RRAGC: variants seen among roughly 807,000 people sequenced by gnomAD.
The protein encoded by RRAGC is ras-related GTP-binding protein C.
In RRAGC, 8 loss-of-function variants were observed where a neutral mutation model predicts 37.1. That is an observed-to-expected ratio of 0.22 (90% confidence interval 0.13 to 0.39). The LOEUF is 0.39. RRAGC is among the 10% of genes least tolerant of loss of function. The pLI is 1.00. For synonymous variants in RRAGC, 190 were observed against 181.1 expected, an observed-to-expected ratio of 1.05 and a Z score of -0.39; for missense variants, 342 against 497.6, an observed-to-expected ratio of 0.69 and a Z score of 2.98.
chr1:38,855,299 T>A (rs1642155267), intron 3 of RRAGC, among the ~76,000 whole-genome samples: 1 of 152,234 alleles, frequency 6.6e-6, no homozygotes, highest in Non-Finnish European at 1.5e-5. Flanking sequence ...AGGCTGTTCC[T>A]ACTGAGAAAG....
At chr1:38,856,552 T>C (rs1353993799) in intron 2 of RRAGC, among the ~76,000 whole-genome samples, 1 of 152,220 alleles carries the variant, frequency 6.6e-6, no homozygotes, top group African/African-American at 2.4e-5. Context: ...CTTTATGTTA[T>C]GGGATGGGAT....
At chr1:38,841,370 T>A (rs982215021) in intron 6 of RRAGC, among the ~76,000 whole-genome samples, 4 of 146,098 alleles carry the variant, frequency 2.7e-5, no homozygotes, top group African/African-American at 7.9e-5. Flanking sequence ...AAACAAAAAT[T>A]TTTTTTTTTT....
chr1:38,848,013 G>A (rs970502863), intron 5 of RRAGC: 1 of 145,900 alleles, frequency 6.9e-6, no homozygotes, highest in African/African-American at 2.6e-5. Context: ...ACTCCAGCTT[G>A]GGCAACAGAG....
intron 6 of RRAGC, among the ~76,000 whole-genome samples, chr1:38,841,113 G>T (rs1218699942): frequency 1.3e-5 from 2 of 152,102 alleles, no homozygotes; most frequent in South Asian, 4.1e-4. Context: ...AACATAATTG[G>T]CTATAATTTT....
intron 5 of RRAGC, among the ~76,000 whole-genome samples, chr1:38,848,638 T>G (rs1480501762): frequency 6.6e-6 from 1 of 152,230 alleles, no homozygotes; most frequent in East Asian, 1.9e-4. Flanking sequence ...TACATTTATC[T>G]GTTTTAACAG....
intron 6 of RRAGC, among the ~76,000 whole-genome samples, chr1:38,844,069 G>A (rs1245368412): frequency 1.3e-5 from 2 of 152,012 alleles, no homozygotes; most frequent in East Asian, 1.9e-4. Context: ...AGGAGATCAC[G>A]AAATCTCCTC....
chr1:38,841,753 G>T (rs796391775), intron 6 of RRAGC, among the ~76,000 whole-genome samples: 19 of 151,488 alleles, frequency 1.3e-4, no homozygotes, highest in African/African-American at 4.6e-4. Context: ...AGAGGCTGAG[G>T]TGTGAAGACT....
rs926283242 is a variant in RRAGC, at chr1:38,859,697, C to T, written c.-51G>A. The T allele has an allele frequency of 1.5e-5, 20 of 1,370,842 alleles. No individual in the cohort carries two copies. The highest frequency in any genetic ancestry group is 1.7e-5 in the Non-Finnish European group (18 of 1,059,492). 84.9% of individuals were successfully genotyped at this position (1,370,842 alleles called of 1,614,324 possible). A position where few individuals can be genotyped will look rare whatever the true frequency, so the allele number is the denominator to read the frequency against. ...CCCTGACAGGCCAGGCCAGGCCGAG[C>T]CAGGCCGCCGCCTCCCCAGTCCGCC... On this transcript the variant is annotated 5_prime_UTR_variant, in exon 1 of 7. Transcript: ENST00000373001.
intron 6 of RRAGC, among the ~76,000 whole-genome samples, chr1:38,844,993 G>A (rs1642010781): frequency 1.3e-5 from 2 of 152,230 alleles, no homozygotes; most frequent in Admixed American, 1.3e-4. Context: ...TGGAGAGGAT[G>A]TGGAGAAATA....
Position 38,839,435 on chromosome 1 carries a change from C to T in RRAGC, c.*118G>A. 1 of 1,066,018 alleles carries T rather than the reference C, an allele frequency of 9.4e-7. No individual in the cohort carries two copies. The highest frequency in any genetic ancestry group is 3.2e-4 in the Middle Eastern group (1 of 3,140). The allele number at this position is 1,066,018 out of a possible 1,614,324, so 66.0% of individuals were successfully genotyped here. A position where few individuals can be genotyped will look rare whatever the true frequency, so the allele number is the denominator to read the frequency against. ...CCAAATGAGAAACTCTACCCCTTGT[C>T]TCTAGTGGAACAGGCACCAGATTCC... is the stretch of plus-strand genomic sequence containing the variant. On this transcript the variant is annotated 3_prime_UTR_variant, in exon 7 of 7. Coordinates refer to ENST00000373001, the MANE Select transcript of RRAGC (RefSeq NM_022157.4).
chr1:38,843,705 G>A (rs954391414), intron 6 of RRAGC, among the ~76,000 whole-genome samples: 1 of 149,500 alleles, frequency 6.7e-6, no homozygotes, highest in African/African-American at 2.5e-5. Context: ...AGGCAACAGA[G>A]CGAGACTGTC....
chr1:38,839,791 T>TC lies in RRAGC; in HGVS notation c.1049-88_1049-87insG, dbSNP rs1238939765. ...GGTTTGCAGCCAAAAATAACTCGGATAAACACTGGTTGGAAATTCTTAAGC... is the reference window on the plus strand; with the variant it reads ...GGTTTGCAGCCAAAAATAACTCGGATCAAACACTGGTTGGAAATTCTTAAGC... On this transcript the variant is annotated intron_variant, in intron 6 of 6. Coordinates refer to ENST00000373001, the MANE Select transcript of RRAGC (RefSeq NM_022157.4). The TC allele has an allele frequency of 3.6e-5, 48 of 1,322,042 alleles. 1 individual carries two copies. In the Middle Eastern group the frequency reaches 5.5e-4, roughly 15 times the overall value. The allele number at this position is 1,322,042 out of a possible 1,614,324, so 81.9% of individuals were successfully genotyped here. A position where few individuals can be genotyped will look rare whatever the true frequency, so the allele number is the denominator to read the frequency against.
chr1:38,855,320 A>T, intron 3 of RRAGC, among the ~76,000 whole-genome samples: 1 of 149,150 alleles, frequency 6.7e-6, no homozygotes, highest in Admixed American at 6.6e-5. Flanking sequence ...ATACTGTCTA[A>T]GACTCAAGCT....
intron 5 of RRAGC, chr1:38,847,158 A>T (rs1056346876): frequency 6.6e-6 from 1 of 152,148 alleles, no homozygotes; most frequent in Non-Finnish European, 1.5e-5. Context: ...AGTAACTGGT[A>T]ATTTTCTTTG....
intron 5 of RRAGC, among the ~76,000 whole-genome samples, chr1:38,851,272 G>A (rs564862541): frequency 1.8e-5 from 1 of 54,362 alleles, no homozygotes; most frequent in African/African-American, 9.1e-5. Flanking sequence ...TTGTTATTCA[G>A]ACCATTTTAA....
At chr1:38,855,247 TAA>T (rs1050840891) in intron 3 of RRAGC, among the ~76,000 whole-genome samples, 1 of 151,738 alleles carries the variant, frequency 6.6e-6, no homozygotes, top group African/African-American at 2.4e-5. Context: ...AAATGAAAAA[TAA>T]AAAGAGTCAG....
chr1:38,843,244 T>C (rs1641985719), intron 6 of RRAGC, among the ~76,000 whole-genome samples: 1 of 151,890 alleles, frequency 6.6e-6, no homozygotes, highest in African/African-American at 2.4e-5. Context: ...GGTGGGAGGA[T>C]CTCTTGAGCC....
intron 3 of RRAGC, 96 bp downstream of exon 3, chr1:38,855,612 C>T: frequency 1.0e-6 from 1 of 981,470 alleles, no homozygotes; most frequent in African/African-American, 1.6e-5. Context: ...GCAAAGGGCA[C>T]ACAGGTAGCA....
At chr1:38,858,470 G>A (rs970492705) in intron 1 of RRAGC, among the ~76,000 whole-genome samples, 2 of 152,178 alleles carry the variant, frequency 1.3e-5, no homozygotes, top group African/African-American at 2.4e-5. Flanking sequence ...AGGCCAAGGC[G>A]GATGATCACT....
Sources: gnomAD v4.1 joint callset for allele counts (sites outside exome capture counted in the v4.1 genomes callset) on GRCh38, gnomAD v4.1.1 for gene constraint, MANE v1.5 for transcripts, NCBI Gene and HGNC (gene_info 2026-07-23, HGNC 2026-07-21) for gene names.